Variants in VMP1 observed in about 807,000 individuals in gnomAD.
VMP1 encodes ectopic P-granules autophagy protein 3 homolog.
Under a neutral mutation model 56.0 loss-of-function variants are expected in VMP1, and 11 were observed. That is an observed-to-expected ratio of 0.20 (90% CI 0.12 to 0.32). VMP1 has a LOEUF of 0.32. VMP1 is among the 10% of genes least tolerant of loss of function. The pLI, the probability that VMP1 is intolerant of heterozygous loss-of-function variation, is 1.00. For synonymous variants in VMP1, 149 were observed against 165.0 expected (o/e 0.90, Z 0.74); for missense variants, 296 against 490.3 (o/e 0.60, Z 3.74).
rs369253467 is a variant in VMP1, at chr17:59,764,389, C to T, written c.415-582C>T. On this transcript the variant is annotated intron_variant, in intron 5 of 11. Coordinates refer to ENST00000262291, the MANE Select transcript of VMP1 (RefSeq NM_030938.5). ...CGTTGTCCAGACTGGAGTGCAGTGG[C>T]ACAATCATAGCCCACTACAGCCTCC... Among the ~76,000 whole-genome samples the T allele has an allele frequency of 4.6e-5, 7 of 152,240 alleles. 1 individual carries two copies. The highest frequency in any genetic ancestry group is 1.7e-4 in the African/African-American group (7 of 41,550).
intron 7 of VMP1, among the ~76,000 whole-genome samples, chr17:59,788,450 G>C (rs1168505824): frequency 1.3e-5 from 2 of 151,434 alleles, no homozygotes; most frequent in African/African-American, 2.4e-5. Context: ...TCCCACCACT[G>C]CACTCCAGCC....
At chr17:59,760,155 G>A (rs1356026247) in intron 5 of VMP1, among the ~76,000 whole-genome samples, 1 of 150,604 alleles carries the variant, frequency 6.6e-6, no homozygotes, top group Non-Finnish European at 1.5e-5. Flanking sequence ...ATTAGTGGTT[G>A]TCCTAAGGTT....
At chr17:59,772,830 A>G (rs911585763) in intron 6 of VMP1, among the ~76,000 whole-genome samples, 1 of 151,892 alleles carries the variant, frequency 6.6e-6, no homozygotes, top group Non-Finnish European at 1.5e-5. Flanking sequence ...GGGCTTTCTG[A>G]CTACAATTTG....
At chr17:59,804,006 A>C (rs1244268790) in intron 7 of VMP1, among the ~76,000 whole-genome samples, 1 of 151,920 alleles carries the variant, frequency 6.6e-6, no homozygotes, top group Non-Finnish European at 1.5e-5. Context: ...TAATAGAGTC[A>C]AGTTTATTAA....
intron 3 of VMP1, among the ~76,000 whole-genome samples, chr17:59,736,648 G>C (rs894926811): frequency 1.3e-5 from 2 of 151,062 alleles, no homozygotes; most frequent in Non-Finnish European, 2.9e-5. Context: ...GGAGGCTGAG[G>C]CAGGAGAATA....
chr17:59,785,823 T>G (rs2036989695), intron 7 of VMP1, among the ~76,000 whole-genome samples: 1 of 152,126 alleles, frequency 6.6e-6, no homozygotes, highest in African/African-American at 2.4e-5. Flanking sequence ...CCTCAAAGGC[T>G]ATTTTATAGT....
intron 9 of VMP1, among the ~76,000 whole-genome samples, chr17:59,815,977 C>T (rs770613240): frequency 1.7e-4 from 26 of 151,944 alleles, no homozygotes; most frequent in Non-Finnish European, 2.4e-4. Flanking sequence ...TCCTCCTCCT[C>T]TACCCTTTCC....
At chr17:59,825,356 G>A (rs1268746479) in intron 10 of VMP1, among the ~76,000 whole-genome samples, 1 of 151,912 alleles carries the variant, frequency 6.6e-6, no homozygotes, top group Non-Finnish European at 1.5e-5. Flanking sequence ...ACAGGCATAA[G>A]CCACCGTGCC....
At chr17:59,825,023 A>G (rs1308141642) in intron 10 of VMP1, among the ~76,000 whole-genome samples, 2 of 150,946 alleles carry the variant, frequency 1.3e-5, no homozygotes, top group African/African-American at 2.4e-5. Flanking sequence ...AAGTCAGGTG[A>G]TAGAACCAAA....
At chr17:59,790,232 C>T (rs746178586) in intron 7 of VMP1, among the ~76,000 whole-genome samples, 5 of 152,144 alleles carry the variant, frequency 3.3e-5, no homozygotes, top group Admixed American at 6.5e-5. Context: ...CTTACAACTT[C>T]AAAATATGAC....
intron 7 of VMP1, 69 bp from the exon 8 acceptor site, chr17:59,808,727 C>T: frequency 3.9e-6 from 5 of 1,294,840 alleles, no homozygotes; most frequent in Non-Finnish European, 5.5e-6. Context: ...CTTTAATAAA[C>T]TCTAGAAAGA....
intron 6 of VMP1, 151 bp from the exon 7 acceptor site, chr17:59,773,603 C>A: frequency 1.4e-6 from 1 of 703,810 alleles, no homozygotes; most frequent in Non-Finnish European, 2.1e-6. Flanking sequence ...AGGATTCAAA[C>A]TTTTATTATT....
chr17:59,753,562 A>C (rs1330266107), intron 5 of VMP1, among the ~76,000 whole-genome samples: 2 of 152,218 alleles, frequency 1.3e-5, no homozygotes, highest in Non-Finnish European at 2.9e-5. Flanking sequence ...TGTTCTTAAT[A>C]GCAAAGGAGT....
chr17:59,820,965 C>CTTTTTTTTTTTTTT (rs201428600), intron 10 of VMP1, among the ~76,000 whole-genome samples: 1 of 146,634 alleles, frequency 6.8e-6, no homozygotes, highest in African/African-American at 2.5e-5. Context: ...GTCTTTCTTT[C>CTTTTTTTTTTTTTT]TTTTTTTTGT....
rs76960291 is a variant in VMP1, at chr17:59,773,240, G to A, written c.583-514G>A. On this transcript the variant is annotated intron_variant, in intron 6 of 11. Transcript: ENST00000262291. ...CTCCCAAAGTGCTGGGATTACAGGC[G>A]TGAGCCACCATGCCCAGCCACTGGT... Among the ~76,000 whole-genome samples, 104 of 151,894 alleles carry A rather than the reference G, an allele frequency of 6.8e-4. 1 individual carries two copies. In the East Asian group the frequency reaches 0.017, roughly 25 times the overall value.
At chr17:59,717,879 C>T (rs1431816805) in intron 1 of VMP1, among the ~76,000 whole-genome samples, 1 of 151,862 alleles carries the variant, frequency 6.6e-6, no homozygotes, top group Admixed American at 6.6e-5. Context: ...GAGATGACAC[C>T]ACTACACTCC....
intron 10 of VMP1, among the ~76,000 whole-genome samples, chr17:59,825,516 T>C (rs550808254): frequency 6.6e-6 from 1 of 152,326 alleles, no homozygotes; most frequent in African/African-American, 2.4e-5. Flanking sequence ...GTTCCCATAT[T>C]CTCACCAAAT....
chr17:59,719,789 C>T (rs2034322649), intron 1 of VMP1, among the ~76,000 whole-genome samples: 1 of 152,034 alleles, frequency 6.6e-6, no homozygotes, highest in Non-Finnish European at 1.5e-5. Flanking sequence ...TACAAAGAAC[C>T]TTTGTGAGCT....
intron 2 of VMP1, among the ~76,000 whole-genome samples, chr17:59,732,273 A>C (rs1446304918): frequency 6.6e-6 from 1 of 152,044 alleles, no homozygotes; most frequent in Non-Finnish European, 1.5e-5. Flanking sequence ...TTGAGACGGA[A>C]TCTCACTCTG....
Sources: allele counts gnomAD v4.1 joint callset (sites outside exome capture counted in the v4.1 genomes callset), GRCh38; gene constraint gnomAD v4.1.1; transcripts MANE v1.5; gene names NCBI Gene and HGNC (gene_info 2026-07-23, HGNC 2026-07-21).